Variants in COL2A1 observed in about 807,000 individuals in gnomAD.
COL2A1 encodes the protein collagen type II alpha 1 chain.
In COL2A1, 28 loss-of-function variants were observed where a neutral mutation model predicts 204.5. The ratio of observed to expected loss-of-function variants is 0.14; its 90% CI spans 0.10 to 0.19. The LOEUF is 0.19. Ranked by LOEUF, COL2A1 falls within the 10% of genes least tolerant of loss-of-function variation. The probability of loss-of-function intolerance (pLI) is 1.00; values close to 1 mark genes in which losing one functional copy is unlikely to be tolerated. For missense variants in COL2A1, 1,388 were observed against 2,027.5 expected (o/e 0.68, Z 6.06); for synonymous variants, 708 against 718.7 (o/e 0.99, Z 0.24).
rs1565670143 is a variant in COL2A1, at chr12:47,977,361, G to A, written c.3232C>T (p.Pro1078Ser). Residue 1078 changes from proline (P) to serine (S), a missense_variant, in exon 46 of 54, where the codon CCC becomes TCC. This residue lies in a region of COL2A1 where 884 missense variants were observed against 1,415.8 expected (regional missense o/e 0.62). Coordinates refer to ENST00000380518, the MANE Select transcript of COL2A1 (RefSeq NM_001844.5). ...CCTTGCTTGCCAGTTGGACCAGCGG[G>A]GCCAGGGGAGCCAGGGGGCCCAGGG... ...GAPGPPGSPGPAGPTGKQGDR... is the reference protein window; with the variant it reads ...GAPGPPGSPGSAGPTGKQGDR... 4 of 1,613,770 alleles carry A rather than the reference G, an allele frequency of 2.5e-6. No homozygotes were observed. Among genetic ancestry groups the A allele is most frequent in the Non-Finnish European group, 3.4e-6 (4 of 1,179,734 alleles).
At chr12:48,003,937 T>C (rs1453654653) in intron 1 of COL2A1, among the ~76,000 whole-genome samples, 2 of 152,228 alleles carry the variant, frequency 1.3e-5, no homozygotes, top group African/African-American at 4.8e-5. Flanking sequence ...AGAGCCCATT[T>C]ATATCTGTGC....
At chr12:47,999,803 G>A (rs1940146604) in intron 2 of COL2A1, 116 bp downstream of exon 2, 1 of 871,562 alleles carries the variant, frequency 1.1e-6, no homozygotes, top group Non-Finnish European at 1.9e-6. Context: ...CAGCTACCAG[G>A]TCCCATGGAT....
intron 28 of COL2A1, 34 bp from the exon 29 acceptor site, chr12:47,984,174 C>A: frequency 1.2e-6 from 2 of 1,600,222 alleles, no homozygotes; most frequent in Non-Finnish European, 1.7e-6. Context: ...GTCAATGACA[C>A]GCTTTTCTTC....
intron 8 of COL2A1, 106 bp from the exon 9 acceptor site, chr12:47,996,025 C>T (rs569784188): frequency 4.0e-5 from 36 of 909,386 alleles, no homozygotes; most frequent in Non-Finnish European, 6.4e-5. Context: ...CAAGAAGTTA[C>T]TCTGTGGGCA....
chr12:47,987,763 C>G lies in COL2A1; in HGVS notation c.1123-54G>C. ...AGAAGAAGAGAGGGGACACAGACCT[C>G]TAGTGGGTGGGCAATAGCTCAGGGC... On this transcript the variant is annotated intron_variant, in intron 18 of 53. Coordinates refer to ENST00000380518, the MANE Select transcript of COL2A1 (RefSeq NM_001844.5). This position sits in a 1 kb window ranked among gnomAD's most constrained non-coding sequence, Gnocchi z 4.1. 1 of 1,435,886 alleles carries G rather than the reference C, an allele frequency of 7.0e-7. No homozygotes were observed. The highest frequency in any genetic ancestry group is 9.7e-7 in the Non-Finnish European group (1 of 1,033,872). 88.9% of individuals were successfully genotyped at this position (1,435,886 alleles called of 1,614,324 possible). A position where few individuals can be genotyped will look rare whatever the true frequency, so the allele number is the denominator to read the frequency against.
chr12:47,986,509 A>C, intron 22 of COL2A1, 66 bp from the exon 23 acceptor site: 1 of 996,532 alleles, frequency 1.0e-6, no homozygotes. Flanking sequence ...GCCTCGACTC[A>C]GAGTATGAAG....
rs753563783 is a variant in COL2A1, at chr12:47,997,596, G to A, written c.531+10C>T. On this transcript the variant is annotated intron_variant, in intron 7 of 53. Transcript: ENST00000380518. ...GACAGCCTGAAGGAATGGGAAGTAA[G>A]GATACTTACTCCACCAAGACCAGGG... is the stretch of plus-strand genomic sequence containing the variant. 15 of 1,613,874 alleles carry A rather than the reference G, an allele frequency of 9.3e-6. No individual in the cohort carries two copies. In the Admixed American group the frequency reaches 2.5e-4, roughly 27 times the overall value.
intron 2 of COL2A1, 130 bp from the exon 3 acceptor site, chr12:47,998,561 T>A: frequency 1.0e-6 from 1 of 975,174 alleles, no homozygotes; most frequent in Non-Finnish European, 1.6e-6. Flanking sequence ...GGCAGCTTCC[T>A]GTGACTCCAC....
chr12:48,004,670 C>T, upstream of COL2A1: 1 of 197,266 alleles, frequency 5.1e-6, no homozygotes, highest in Non-Finnish European at 1.0e-5. Flanking sequence ...TCACGCTTCC[C>T]GCCCTCCACC....
chr12:48,001,629 CG>C (rs780717937), intron 1 of COL2A1, among the ~76,000 whole-genome samples: 9 of 152,180 alleles, frequency 5.9e-5, no homozygotes, highest in Non-Finnish European at 1.2e-4. Flanking sequence ...CGGGAAGCGC[CG>C]GCGCAGGGGC....
chr12:47,984,371 C>G (rs1939267155), intron 28 of COL2A1, among the ~76,000 whole-genome samples, 175 bp downstream of exon 28: 1 of 152,150 alleles, frequency 6.6e-6, no homozygotes, highest in African/African-American at 2.4e-5. Flanking sequence ...CAATGGCAAA[C>G]AGAAGTCTCC....
intron 11 of COL2A1, 113 bp downstream of exon 11, chr12:47,995,142 G>T: frequency 1.1e-6 from 1 of 890,696 alleles, no homozygotes; most frequent in Non-Finnish European, 1.9e-6. Flanking sequence ...GCCCAGTCTT[G>T]CTCCTCAAGA....
At chr12:48,003,375 T>G (rs1304227312) in intron 1 of COL2A1, among the ~76,000 whole-genome samples, 1 of 151,832 alleles carries the variant, frequency 6.6e-6, no homozygotes, top group African/African-American at 2.4e-5. Context: ...GTTCCAGAAT[T>G]TAGAAAAGTA....
At chr12:47,988,334 T>TC (rs1052296722) in intron 18 of COL2A1, 7 of 155,556 alleles carry the variant, frequency 4.5e-5, no homozygotes, top group Non-Finnish European at 1.0e-4. Flanking sequence ...GCAAGCCCCC[T>TC]CCCCACAAAA....
In COL2A1 at chr12:47,978,788, C is replaced by A. The variant is rs1416036953; in HGVS notation, c.2734-30G>T. The A allele has an allele frequency of 6.2e-7, 1 of 1,607,638 alleles. No individual in the cohort carries two copies. Among genetic ancestry groups the A allele is most frequent in the South Asian group, 1.1e-5 (1 of 90,920 alleles). ...AAGGAGAAAATGCGGGAAGTGAGGA[C>A]TCATCTCACCCTTCCTCATCCAGGC... On this transcript the variant is annotated intron_variant, in intron 41 of 53. Transcript: ENST00000380518. The surrounding 1 kb of genome is among the most constrained non-coding windows in gnomAD (Gnocchi z 5.5).
chr12:48,003,701 C>G (rs1438878028), intron 1 of COL2A1, among the ~76,000 whole-genome samples: 1 of 152,134 alleles, frequency 6.6e-6, no homozygotes, highest in Non-Finnish European at 1.5e-5. Flanking sequence ...CCACCAGTGT[C>G]AGAGTGTTAG....
In COL2A1 at chr12:47,976,234, C is replaced by T. The variant is rs1350704124; in HGVS notation, c.3490-164G>A. Among the ~76,000 whole-genome samples the T allele has an allele frequency of 1.3e-5, 2 of 152,198 alleles. No individual in the cohort carries two copies. Among genetic ancestry groups the T allele is most frequent in the African/African-American group, 4.8e-5 (2 of 41,454 alleles). On this transcript the variant is annotated intron_variant, in intron 49 of 53. Transcript: ENST00000380518. This position sits in a 1 kb window ranked among gnomAD's most constrained non-coding sequence, Gnocchi z 4.3. ...AAGTTGGTCTCTATTTGGCCAAGAA[C>T]CAGCAGGATAGCTCCATGGCTTGCC...
rs1939002227 is a variant in COL2A1 at position 47,980,602 on chromosome 12, A to G, written c.2577T>C (p.Asp859=). Residue 859 remains aspartate (D), a synonymous_variant, in exon 39 of 54, where the codon GAT becomes GAC. Transcript: ENST00000380518. The surrounding 1 kb of genome is among the most constrained non-coding windows in gnomAD (Gnocchi z 4.5). The part of the protein sequence containing the change: ...GEQGEAGQKG[D]AGAPGPQGPS... ...GGCCCTGAGGACCAGGGGCACCAGC[A>G]TCGCCTTTCTGGCCGGCCTCTCCTT... 1 of 1,612,992 alleles carries G rather than the reference A, an allele frequency of 6.2e-7. No homozygotes were observed. Among genetic ancestry groups the G allele is most frequent in the Non-Finnish European group, 8.5e-7 (1 of 1,179,710 alleles).
rs1426483203 is a variant in COL2A1, at chr12:47,976,887, C to G, written c.3360G>C (p.Glu1120Asp). The change falls in exon 48 of 54, where the codon GAG becomes GAC. Residue 1120 changes from glutamate (E) to aspartate (D), a missense_variant. Glu to Asp is a conservative substitution (Grantham distance 45). Transcript: ENST00000380518. This position sits in a 1 kb window ranked among gnomAD's most constrained non-coding sequence, Gnocchi z 4.3. ...GPQGPRGDKG[E>D]AGEPGERGLK... is the part of the protein sequence containing the mutation. ...GGCCTCTCTCGCCAGGCTCTCCAGC[C>G]TCTCCTTTGTCACCTCTGGGGCCTT... 1 of 1,610,988 alleles carries G rather than the reference C, an allele frequency of 6.2e-7. No individual in the cohort carries two copies.
Sources: gnomAD v4.1 joint callset for allele counts (sites outside exome capture counted in the v4.1 genomes callset) on GRCh38, gnomAD v4.1.1 for gene constraint, gnomAD v4.1.1 regional missense constraint, Gnocchi (gnomAD v3.1) non-coding constraint, MANE v1.5 for transcripts, NCBI Gene and HGNC (gene_info 2026-07-23, HGNC 2026-07-21) for gene names.